The following KMT2A variants were observed in gnomAD, a reference collection of about 807,000 sequenced individuals.
KMT2A encodes histone-lysine N-methyltransferase 2A.
KMT2A carries 16 observed loss-of-function variants against 345.3 expected under a neutral mutation model. That is an observed-to-expected ratio of 0.05 (90% confidence interval 0.03 to 0.07). KMT2A has a LOEUF of 0.07. Ranked by LOEUF, KMT2A falls within the 10% of genes least tolerant of loss-of-function variation. The probability of loss-of-function intolerance (pLI) is 1.00; values close to 1 mark genes in which losing one functional copy is unlikely to be tolerated. For missense variants in KMT2A, 3,272 were observed against 4,841.6 expected (o/e 0.68, Z 9.62); for synonymous variants, 1,599 against 1,778.6 (o/e 0.90, Z 2.54).
chr11:118,501,052 T>C lies in KMT2A; in HGVS notation c.6224T>C (p.Val2075Ala). Residue 2075 changes from valine to alanine, a missense_variant, in exon 25 of 36, where the codon GTG becomes GCG. Transcript: ENST00000534358. The part of the protein sequence containing the change: ...RKRCVYTCKI[V>A]ECRPPVVEPD... The stretch of plus-strand genomic sequence containing the variant: ...CGCTGTGTATATACATGCAAGATAG[T>C]GGAGTGCCGTCCTCCAGTCGTAGAG... The C allele has an allele frequency of 6.2e-7, 1 of 1,614,088 alleles. No individual in the cohort carries two copies. The highest frequency in any genetic ancestry group is 8.5e-7 in the Non-Finnish European group (1 of 1,179,974).
intron 1 of KMT2A, among the ~76,000 whole-genome samples, chr11:118,466,741 G>C (rs781788502): frequency 7.2e-5 from 11 of 152,068 alleles, no homozygotes; most frequent in Non-Finnish European, 8.8e-5. Context: ...CTTGAACCTG[G>C]GAGGCTGAGG....
intron 1 of KMT2A, among the ~76,000 whole-genome samples, chr11:118,453,908 T>A (rs1255868010): frequency 6.6e-6 from 1 of 152,198 alleles, no homozygotes; most frequent in Non-Finnish European, 1.5e-5. Context: ...ATTCCCAGTC[T>A]CTTTGTTTCT....
chr11:118,501,955 T>A (rs1396456532), intron 26 of KMT2A, 98 bp downstream of exon 26: 40 of 1,083,200 alleles, frequency 3.7e-5, no homozygotes, highest in Non-Finnish European at 4.6e-5. Context: ...TTTTACTGAT[T>A]GAAAATGTAG....
chr11:118,485,189 C>G, intron 10 of KMT2A, among the ~76,000 whole-genome samples: 1 of 152,176 alleles, frequency 6.6e-6, no homozygotes, highest in East Asian at 1.9e-4. Context: ...AATCCCATCT[C>G]TCTTAAATTC....
intron 27 of KMT2A, 131 bp from the exon 28 acceptor site, chr11:118,507,398 C>T (rs1403234728): frequency 1.8e-5 from 13 of 726,422 alleles, no homozygotes; most frequent in Non-Finnish European, 2.9e-5. Flanking sequence ...ACCTTTATGA[C>T]CTTAGGTCAG....
chr11:118,456,513 TGTTTTTAGTAGAGATGGG>T (rs1949646638), intron 1 of KMT2A, among the ~76,000 whole-genome samples: 1 of 151,996 alleles, frequency 6.6e-6, no homozygotes, highest in Non-Finnish European at 1.5e-5. Context: ...TAATTTTTTG[TGTTTTTAGTAGAGATGGG>T]GTTTCACTAT....
intron 1 of KMT2A, among the ~76,000 whole-genome samples, chr11:118,457,159 C>T (rs1949659567): frequency 6.6e-6 from 1 of 151,018 alleles, no homozygotes; most frequent in Non-Finnish European, 1.5e-5. Flanking sequence ...ACCAGAGTCA[C>T]TAATCTGCTA....
chr11:118,445,786 T>C (rs1321426154), intron 1 of KMT2A, among the ~76,000 whole-genome samples: 1 of 152,222 alleles, frequency 6.6e-6, no homozygotes, highest in Non-Finnish European at 1.5e-5. Context: ...GAAGATTGCC[T>C]GAGGTCAGGA....
chr11:118,445,392 T>C (rs782327950), intron 1 of KMT2A, among the ~76,000 whole-genome samples: 21 of 152,214 alleles, frequency 1.4e-4, no homozygotes, highest in Non-Finnish European at 2.9e-4. Flanking sequence ...TGCTACCTGT[T>C]GTCTCTATAA....
In KMT2A at chr11:118,472,924, A is replaced by G; in HGVS notation, c.1765A>G (p.Thr589Ala). 7 of 1,613,992 alleles carry G rather than the reference A, an allele frequency of 4.3e-6. No individual in the cohort carries two copies. Among genetic ancestry groups the G allele is most frequent in the Non-Finnish European group, 5.9e-6 (7 of 1,179,990 alleles). ...CCACACACCTTGGCTTATGCCTCCA[A>G]CAATCCCCTTAGCATCACCATTTTT... Reference protein sequence around the residue: ...SDHTPWLMPPTIPLASPFLPA... With the variant: ...SDHTPWLMPPAIPLASPFLPA... The change falls in exon 3 of 36, where the codon ACA becomes GCA. Residue 589 changes from threonine to alanine, a missense_variant. Thr to Ala is a moderately conservative substitution (Grantham distance 58). Transcript: ENST00000534358.
intron 1 of KMT2A, among the ~76,000 whole-genome samples, chr11:118,453,808 C>T (rs1005468592): frequency 1.1e-4 from 16 of 152,190 alleles, no homozygotes; most frequent in African/African-American, 3.9e-4. Flanking sequence ...GGCAAGGAAA[C>T]ACATATACAT....
chr11:118,525,432 G>A lies in KMT2A; in HGVS notation c.*3260G>A, dbSNP rs1171696134. On this transcript the variant is annotated 3_prime_UTR_variant, in exon 36 of 36. Transcript: ENST00000534358. ...CCTCCTTGGCCACCCACCACCTCTC[G>A]CACAGCCCCTCTGTTTTTACACCAA... 1.3e-5 allele frequency: 3 copies of A among 226,938 alleles called. No homozygotes were observed. The highest frequency in any genetic ancestry group is 4.5e-5 in the African/African-American group (2 of 44,888). The allele number at this position is 226,938 out of a possible 1,614,324, so 14.1% of individuals were successfully genotyped here.
chr11:118,494,843 GTT>G lies in KMT2A; in HGVS notation c.5363+79_5363+80del. The G allele has an allele frequency of 8.2e-7, 1 of 1,215,804 alleles. No individual in the cohort carries two copies. Among genetic ancestry groups the G allele is most frequent in the Non-Finnish European group, 1.2e-6 (1 of 833,110 alleles). The allele number at this position is 1,215,804 out of a possible 1,614,324, so 75.3% of individuals were successfully genotyped here. A position where few individuals can be genotyped will look rare whatever the true frequency, so the allele number is the denominator to read the frequency against. On this transcript the variant is annotated intron_variant, in intron 18 of 35. Transcript: ENST00000534358. The surrounding 1 kb of genome is among the most constrained non-coding windows in gnomAD (Gnocchi z 5.8). ...AGAGTTCTCATATTTCTAGATTGCA[GTT>G]TTCCAAAAGGTTTTAATACTAGAAA...
At chr11:118,470,299 TTTG>T (rs1272930964) in intron 2 of KMT2A, among the ~76,000 whole-genome samples, 1 of 152,196 alleles carries the variant, frequency 6.6e-6, no homozygotes, top group Non-Finnish European at 1.5e-5. Flanking sequence ...GTTTTGTTTG[TTTG>T]TTGTTTTTGT....
At chr11:118,447,265 C>T (rs782111079) in intron 1 of KMT2A, among the ~76,000 whole-genome samples, 19 of 152,154 alleles carry the variant, frequency 1.2e-4, no homozygotes, top group Admixed American at 7.9e-4. Context: ...CCTTAAGACA[C>T]GGGCCATTTC....
intron 15 of KMT2A, among the ~76,000 whole-genome samples, chr11:118,492,417 C>T (rs568620025): frequency 2.0e-5 from 3 of 152,374 alleles, no homozygotes; most frequent in East Asian, 1.9e-4. Flanking sequence ...CGGTGGCTCA[C>T]GCCTGTAATC....
rs1555047066 is a variant in KMT2A, at chr11:118,504,109, AAGC to A, written c.8221_8223del (p.Ser2741del). On this transcript the variant is annotated inframe_deletion, in exon 27 of 36. Coordinates refer to ENST00000534358, the MANE Select transcript of KMT2A (RefSeq NM_001197104.2). The surrounding 1 kb of genome is among the most constrained non-coding windows in gnomAD (Gnocchi z 6.4). ...CTAGTGTCACAGCCACAACAAGGAA[AAGC>A]AGCCAGATTCCAAAAAGAAATGGTA... The A allele has an allele frequency of 6.2e-7, 1 of 1,614,234 alleles. No homozygotes were observed. The highest frequency in any genetic ancestry group is 8.5e-7 in the Non-Finnish European group (1 of 1,180,034).
Position 118,521,566 on chromosome 11 carries a change from G to C in KMT2A, c.11643+149G>C. 9.7e-7 allele frequency: 1 copy of C among 1,027,050 alleles called. No homozygotes were observed. The highest frequency in any genetic ancestry group is 1.4e-6 in the Non-Finnish European group (1 of 723,722). The allele number at this position is 1,027,050 out of a possible 1,614,324, so 63.6% of individuals were successfully genotyped here. A position where few individuals can be genotyped will look rare whatever the true frequency, so the allele number is the denominator to read the frequency against. On this transcript the variant is annotated intron_variant, in intron 35 of 35. Transcript: ENST00000534358. This position sits in a 1 kb window ranked among gnomAD's most constrained non-coding sequence, Gnocchi z 5.3. ...AACTCTGAAATTTGTGAGGGGCCCA[G>C]TAAAAATACAGAATCCACTCTGAGG...
At chr11:118,457,433 AT>A (rs1272768366) in intron 1 of KMT2A, among the ~76,000 whole-genome samples, 7 of 146,478 alleles carry the variant, frequency 4.8e-5, no homozygotes, top group Non-Finnish European at 6.1e-5. Context: ...CGCCTGGCTA[AT>A]TTTTTTTTTG....
Sources: gnomAD v4.1 joint callset for allele counts (sites outside exome capture counted in the v4.1 genomes callset) on GRCh38, gnomAD v4.1.1 for gene constraint, Gnocchi (gnomAD v3.1) non-coding constraint, MANE v1.5 for transcripts, NCBI Gene and HGNC (gene_info 2026-07-23, HGNC 2026-07-21) for gene names.